PGPEP1: variants seen among roughly 807,000 people sequenced by gnomAD.
The protein encoded by PGPEP1 is pyroglutamyl-peptidase 1.
PGPEP1 carries 15 observed loss-of-function variants against 24.1 expected under a neutral mutation model. The observed-to-expected ratio is 0.62, with a 90% CI of 0.42 to 0.96. The LOEUF is 0.96. Among genes scored for constraint, PGPEP1 ranks in the 40% least tolerant of loss-of-function variants. The pLI, the probability that PGPEP1 is intolerant of heterozygous loss-of-function variation, is 0.00. For synonymous variants in PGPEP1, 122 were observed against 116.4 expected (o/e 1.05, Z -0.31); for missense variants, 242 against 273.4 (o/e 0.89, Z 0.81).
rs1971168094 is a variant in PGPEP1, at chr19:18,355,908, T to C, written c.101T>C (p.Leu34Pro). 1.2e-6 allele frequency: 2 copies of C among 1,611,928 alleles called. No individual in the cohort carries two copies. Among genetic ancestry groups the C allele is most frequent in the East Asian group, 2.2e-5 (1 of 44,828 alleles). ...SWIAVQELEK[L>P]GLGDSVDLHV... Reference sequence around the variant, plus strand: ...CCTCTCTTCCAGGAGCTAGAAAAGCTAGGCCTTGGCGACAGCGTGGACCTG... The same window carrying C: ...CCTCTCTTCCAGGAGCTAGAAAAGCCAGGCCTTGGCGACAGCGTGGACCTG... The change falls in exon 3 of 5, where the codon CTA becomes CCA. Residue 34 changes from leucine to proline, a missense_variant. Coordinates refer to ENST00000269919, the MANE Select transcript of PGPEP1 (RefSeq NM_017712.4).
intron 4 of PGPEP1, among the ~76,000 whole-genome samples, chr19:18,363,029 T>TTTTGTGTGTG (rs755622717): frequency 6.7e-5 from 4 of 59,476 alleles, no homozygotes; most frequent in African/African-American, 2.4e-4. Context: ...CAAGTTTTTT[T>TTTTGTGTGTG]TGTTTGTGTG....
intron 2 of PGPEP1, among the ~76,000 whole-genome samples, chr19:18,351,524 T>A (rs192279809): frequency 1.1e-3 from 159 of 148,494 alleles, no homozygotes; most frequent in Middle Eastern, 3.5e-3. Context: ...CTTGGGAGGC[T>A]GAGGCTGGAG....
chr19:18,345,770 C>T (rs559877657), intron 2 of PGPEP1, among the ~76,000 whole-genome samples: 174 of 149,358 alleles, frequency 1.2e-3, no homozygotes, highest in Non-Finnish European at 2.2e-3. Flanking sequence ...CCAGGCACAG[C>T]GGCTCACGCC....
chr19:18,353,766 C>G (rs1179329079), intron 2 of PGPEP1, among the ~76,000 whole-genome samples: 1 of 152,222 alleles, frequency 6.6e-6, no homozygotes, highest in Admixed American at 6.6e-5. Context: ...TCTGGCTTCT[C>G]TCACTCAGCA....
intron 2 of PGPEP1, among the ~76,000 whole-genome samples, chr19:18,352,204 G>A (rs747795142): frequency 6.9e-5 from 10 of 144,876 alleles, no homozygotes; most frequent in Non-Finnish European, 1.3e-4. Flanking sequence ...CCCGGGAGGC[G>A]GAGCTTGCAG....
chr19:18,349,337 T>G (rs1970953080), intron 2 of PGPEP1, among the ~76,000 whole-genome samples: 1 of 151,930 alleles, frequency 6.6e-6, no homozygotes, highest in Non-Finnish European at 1.5e-5. Context: ...ATTTTTGTAT[T>G]TTTAGTAGAG....
At chr19:18,352,861 T>TC (rs776870663) in intron 2 of PGPEP1, among the ~76,000 whole-genome samples, 1 of 151,232 alleles carries the variant, frequency 6.6e-6, no homozygotes, top group Non-Finnish European at 1.5e-5. Context: ...CAGCCACCTC[T>TC]CACTATTATT....
chr19:18,357,553 G>A lies in PGPEP1; in HGVS notation c.375G>A (p.Val125=), dbSNP rs1971223660. Residue 125 remains valine, a synonymous_variant, in exon 4 of 5, where the codon GTG becomes GTA. Transcript: ENST00000269919. The part of the protein sequence containing the change: ...SIDSIIDMDA[V]CKRVTTLGLD... ...ACTCCATCATCGACATGGATGCTGT[G>A]TGCAAGCGAGTCACCACGTTGGGCC... 6.2e-7 allele frequency: 1 copy of A among 1,613,096 alleles called. No homozygotes were observed. The highest frequency in any genetic ancestry group is 8.5e-7 in the Non-Finnish European group (1 of 1,179,636).
In PGPEP1 at chr19:18,345,600, C is replaced by T. The variant is rs539664677; in HGVS notation, c.87+2689C>T. ...AACAGCCGGGAGTGGTGGCGCATGCCTGTAGTCCCAGCTACTCGGGAGGCT... is the reference window on the plus strand; with the variant it reads ...AACAGCCGGGAGTGGTGGCGCATGCTTGTAGTCCCAGCTACTCGGGAGGCT... On this transcript the variant is annotated intron_variant, in intron 2 of 4. Coordinates refer to ENST00000269919, the MANE Select transcript of PGPEP1 (RefSeq NM_017712.4). Among the ~76,000 whole-genome samples the T allele has an allele frequency of 2.0e-5, 3 of 151,280 alleles. No homozygotes were observed. The South Asian group carries it at 6.3e-4, about 32-fold the overall frequency.
In PGPEP1 at chr19:18,365,601, C is replaced by T. The variant is rs1026744697; in HGVS notation, c.*2018C>T. ...CAAACTGATCCTCCTTTCTCGGCCT[C>T]CCAAAGTGCTGGGATTACAGGCATG... On this transcript the variant is annotated 3_prime_UTR_variant, in exon 5 of 5. Transcript: ENST00000269919. The T allele has an allele frequency of 2.0e-5, 3 of 152,278 alleles. No homozygotes were observed. The highest frequency in any genetic ancestry group is 7.2e-5 in the African/African-American group (3 of 41,450). 9.4% of individuals were successfully genotyped at this position (152,278 alleles called of 1,614,324 possible).
intron 2 of PGPEP1, 92 bp downstream of exon 2, chr19:18,343,003 C>CTT (rs35175980): frequency 0.016 from 11,614 of 730,814 alleles, 8 homozygotes; most frequent in Non-Finnish European, 0.018. Flanking sequence ...TTAACAAAAA[C>CTT]TTTTTTTTTT....
intron 2 of PGPEP1, among the ~76,000 whole-genome samples, chr19:18,345,557 T>C (rs1286162001): frequency 7.2e-6 from 1 of 138,422 alleles, no homozygotes; most frequent in Non-Finnish European, 1.6e-5. Context: ...ACCCCATCTC[T>C]AAAAAAAAAA....
At chr19:18,355,427 A>G (rs933288964) in intron 2 of PGPEP1, among the ~76,000 whole-genome samples, 2 of 151,672 alleles carry the variant, frequency 1.3e-5, no homozygotes, top group Non-Finnish European at 2.9e-5. Flanking sequence ...CACCCAGCTA[A>G]TTCTTGTATT....
At chr19:18,351,209 G>A (rs1971012327) in intron 2 of PGPEP1, among the ~76,000 whole-genome samples, 2 of 151,964 alleles carry the variant, frequency 1.3e-5, no homozygotes, top group South Asian at 4.2e-4. Flanking sequence ...AGGTTGCAGT[G>A]AGCTCAGATC....
At chr19:18,353,624 T>A (rs1265514205) in intron 2 of PGPEP1, among the ~76,000 whole-genome samples, 1 of 152,130 alleles carries the variant, frequency 6.6e-6, no homozygotes, top group Non-Finnish European at 1.5e-5. Context: ...GGAGACCCTG[T>A]CCCCATCAGT....
chr19:18,353,316 G>A (rs1401436455), intron 2 of PGPEP1, among the ~76,000 whole-genome samples: 1 of 151,120 alleles, frequency 6.6e-6, no homozygotes, highest in African/African-American at 2.4e-5. Context: ...CCCCCTCCCT[G>A]GCTCAAGCAA....
chr19:18,356,937 C>T (rs1300789054), intron 3 of PGPEP1, among the ~76,000 whole-genome samples: 7 of 149,574 alleles, frequency 4.7e-5, no homozygotes, highest in South Asian at 4.3e-4. Flanking sequence ...ACTTGGGAGG[C>T]GGAGGCCAGA....
intron 2 of PGPEP1, among the ~76,000 whole-genome samples, chr19:18,346,597 C>T (rs1467479503): frequency 1.4e-5 from 2 of 147,770 alleles, no homozygotes; most frequent in Non-Finnish European, 3.0e-5. Flanking sequence ...CTCTCTGTCA[C>T]TTTCACCTTC....
chr19:18,361,894 C>CT, intron 4 of PGPEP1: 1 of 984,874 alleles, frequency 1.0e-6, no homozygotes, highest in African/African-American at 1.7e-5. Flanking sequence ...CAACATGCAT[C>CT]TGGCGAGTTC....
Sources: gnomAD v4.1 joint callset for allele counts (sites outside exome capture counted in the v4.1 genomes callset) on GRCh38, gnomAD v4.1.1 for gene constraint, MANE v1.5 for transcripts, NCBI Gene and HGNC (gene_info 2026-07-23, HGNC 2026-07-21) for gene names.